The following FIBIN variants were observed in gnomAD, a reference collection of about 807,000 sequenced individuals.
FIBIN encodes fin bud initiation factor homolog.
A neutral mutation model predicts 13.0 loss-of-function variants in FIBIN; 8 were observed. The observed-to-expected ratio is 0.62, with a 90% confidence interval of 0.36 to 1.11. The LOEUF (loss-of-function observed/expected upper bound fraction) is 1.11, where lower values mean the gene tolerates loss of function less well. Ranked by LOEUF, FIBIN falls within the 50% of genes most tolerant of loss-of-function variation. FIBIN has a pLI of 0.02. For synonymous variants in FIBIN, 127 were observed against 114.7 expected (o/e 1.11, Z -0.69); for missense variants, 261 against 260.2 (o/e 1.00, Z -0.02).
chr11:26,995,140 A>G lies in FIBIN; in HGVS notation c.614A>G (p.Lys205Arg), dbSNP rs1850912228. The G allele has an allele frequency of 6.2e-7, 1 of 1,604,218 alleles. No individual in the cohort carries two copies. The highest frequency in any genetic ancestry group is 2.2e-5 in the East Asian group (1 of 44,816). ...RSHGTRLGRLKNDYLKV is the reference protein window; with the variant it reads ...RSHGTRLGRLRNDYLKV ...CATGGGACCCGACTAGGTCGGCTGA[A>G]AAATGATTATCTTAAAGTATAGGTG... The change falls in exon 1 of 1, where the codon AAA becomes AGA. Residue 205 changes from lysine to arginine, a missense_variant. Physicochemically the swap from Lys to Arg is conservative, Grantham distance 26. Coordinates refer to ENST00000318627, the MANE Select transcript of FIBIN (RefSeq NM_203371.2).
chr11:26,995,145 G>A lies in FIBIN; in HGVS notation c.619G>A (p.Asp207Asn). Reference protein sequence around the residue: ...HGTRLGRLKNDYLKV With the variant: ...HGTRLGRLKNNYLKV ...GACCCGACTAGGTCGGCTGAAAAAT[G>A]ATTATCTTAAAGTATAGGTGGAAGG... Residue 207 changes from aspartate to asparagine, a missense_variant, in exon 1 of 1, where the codon GAT becomes AAT. By Grantham distance (23) the Asp-to-Asn change is conservative. Coordinates refer to ENST00000318627, the MANE Select transcript of FIBIN (RefSeq NM_203371.2). 6.2e-7 allele frequency: 1 copy of A among 1,602,434 alleles called. No homozygotes were observed. Among genetic ancestry groups the A allele is most frequent in the Non-Finnish European group, 8.5e-7 (1 of 1,175,514 alleles).
chr11:26,995,108 T>C lies in FIBIN; in HGVS notation c.582T>C (p.Ile194=). ...RDKYELLALT[I]RSHGTRLGRL... is the part of the protein sequence containing the mutation. ...AATACGAGCTGCTGGCCCTCACCAT[T>C]AGGAGCCATGGGACCCGACTAGGTC... Residue 194 remains isoleucine, a synonymous_variant, in exon 1 of 1, where the codon ATT becomes ATC. Transcript: ENST00000318627. The C allele has an allele frequency of 6.2e-7, 1 of 1,613,394 alleles. No individual in the cohort carries two copies. The highest frequency in any genetic ancestry group is 8.5e-7 in the Non-Finnish European group (1 of 1,179,798).
chr11:26,995,559 T>C lies in FIBIN; in HGVS notation c.*397T>C, dbSNP rs1850918882. The C allele has an allele frequency of 5.7e-6, 1 of 174,292 alleles. No individual in the cohort carries two copies. The highest frequency in any genetic ancestry group is 2.4e-5 in the African/African-American group (1 of 41,704). The allele number at this position is 174,292 out of a possible 1,614,324, so 10.8% of individuals were successfully genotyped here. A position where few individuals can be genotyped will look rare whatever the true frequency, so the allele number is the denominator to read the frequency against. ...ATACCCAAAGATAATAGTGCATAGC[T>C]CCTTTCAGCCTCTAGCCTTCACTCC... On this transcript the variant is annotated 3_prime_UTR_variant, in exon 1 of 1. Transcript: ENST00000318627.
rs1472695326 is a variant in FIBIN, at chr11:26,994,706, C to A, written c.180C>A (p.Asp60Glu). The change falls in exon 1 of 1, where the codon GAC becomes GAA. Residue 60 changes from aspartate to glutamate, a missense_variant. Transcript: ENST00000318627. Reference sequence around the variant, plus strand: ...GCCAGCTGCTCTTCAGGGTGAGTGACCACAGGCGCTGCTCCCAGGGGGAGG... The same window carrying A: ...GCCAGCTGCTCTTCAGGGTGAGTGAACACAGGCGCTGCTCCCAGGGGGAGG... ...EKCQLLFRVS[D>E]HRRCSQGEGS... 6.2e-7 allele frequency: 1 copy of A among 1,613,298 alleles called. No homozygotes were observed. Among genetic ancestry groups the A allele is most frequent in the African/African-American group, 1.3e-5 (1 of 74,696 alleles).
At position 26,994,654 on chromosome 11, in the gene FIBIN, A is replaced by C. The variant is rs1850903533; in HGVS notation, c.128A>C (p.Tyr43Ser). The part of the protein sequence containing the change: ...LHHYFVPDGD[Y>S]EENDDPEKCQ... The stretch of plus-strand genomic sequence containing the variant: ...CACTACTTCGTGCCCGATGGGGACT[A>C]TGAGGAGAACGATGACCCCGAGAAG... The change falls in exon 1 of 1, where the codon TAT becomes TCT. Residue 43 changes from tyrosine (Y) to serine (S), a missense_variant. Physicochemically the swap from Tyr to Ser is moderately radical, Grantham distance 144. Coordinates refer to ENST00000318627, the MANE Select transcript of FIBIN (RefSeq NM_203371.2). 2 of 1,613,730 alleles carry C rather than the reference A, an allele frequency of 1.2e-6. No individual in the cohort carries two copies. Among genetic ancestry groups the C allele is most frequent in the Admixed American group, 1.7e-5 (1 of 60,002 alleles).
rs1375589116 is a variant in FIBIN, at chr11:26,994,420, G to T, written c.-107G>T. 1.7e-5 allele frequency: 19 copies of T among 1,121,622 alleles called. No homozygotes were observed. In the South Asian group the frequency reaches 2.9e-4, roughly 17 times the overall value. 69.5% of individuals were successfully genotyped at this position (1,121,622 alleles called of 1,614,324 possible). A position where few individuals can be genotyped will look rare whatever the true frequency, so the allele number is the denominator to read the frequency against. On this transcript the variant is annotated 5_prime_UTR_variant, in exon 1 of 1. An upstream open reading frame in the 5' UTR gains an earlier in-frame stop. Coordinates refer to ENST00000318627, the MANE Select transcript of FIBIN (RefSeq NM_203371.2). ...AGGGAGCAGCAAGCCAGCTGGGACT[G>T]AGGCGGACGCTGTCTCAGGGAGACG...
rs1018324383 is a variant in FIBIN, at chr11:26,996,430, C to G, written c.*1268C>G. Among the ~76,000 whole-genome samples the G allele has an allele frequency of 6.6e-6, 1 of 152,072 alleles. No homozygotes were observed. The highest frequency in any genetic ancestry group is 2.4e-5 in the African/African-American group (1 of 41,412). On this transcript the variant is annotated 3_prime_UTR_variant, in exon 1 of 1. Coordinates refer to ENST00000318627, the MANE Select transcript of FIBIN (RefSeq NM_203371.2). ...TTCTGACAAGGCTCATACCCTGTAC[C>G]CTTATGCAGAGCAAGCATTCCATCC...
In FIBIN at chr11:26,995,945, T is replaced by G. The variant is rs1850922424; in HGVS notation, c.*783T>G. 1 of 166,694 alleles carries G rather than the reference T, an allele frequency of 6.0e-6. No homozygotes were observed. The highest frequency in any genetic ancestry group is 2.4e-5 in the African/African-American group (1 of 41,468). The allele number at this position is 166,694 out of a possible 1,614,324, so 10.3% of individuals were successfully genotyped here. The stretch of plus-strand genomic sequence containing the variant: ...AAATTACAAAGAAATAGGTAGATTG[T>G]ATGAACATACCCACAAATGCCTATG... On this transcript the variant is annotated 3_prime_UTR_variant, in exon 1 of 1. Coordinates refer to ENST00000318627, the MANE Select transcript of FIBIN (RefSeq NM_203371.2).
Position 26,995,325 on chromosome 11 carries a change from G to A in FIBIN, c.*163G>A. On this transcript the variant is annotated 3_prime_UTR_variant, in exon 1 of 1. Coordinates refer to ENST00000318627, the MANE Select transcript of FIBIN (RefSeq NM_203371.2). ...GGTCATCTTTCAAAAGAGAAAAATTGGACACTTGAGTGACTTTGTTTTTAG... is the reference window on the plus strand; with the variant it reads ...GGTCATCTTTCAAAAGAGAAAAATTAGACACTTGAGTGACTTTGTTTTTAG... 1.7e-6 allele frequency: 1 copy of A among 600,840 alleles called. No individual in the cohort carries two copies. Among genetic ancestry groups the A allele is most frequent in the Non-Finnish European group, 2.7e-6 (1 of 370,286 alleles). The allele number at this position is 600,840 out of a possible 1,614,324, so 37.2% of individuals were successfully genotyped here.
rs977986327 is a variant in FIBIN at position 26,995,256 on chromosome 11, A to G, written c.*94A>G. ...ATGGGGCTACATTTCCCCCATACCT[A>G]CTATTTTTTTATATCCCGATTTGCA... is the stretch of plus-strand genomic sequence containing the variant. On this transcript the variant is annotated 3_prime_UTR_variant, in exon 1 of 1. Coordinates refer to ENST00000318627, the MANE Select transcript of FIBIN (RefSeq NM_203371.2). The G allele has an allele frequency of 3.1e-6, 4 of 1,279,118 alleles. No individual in the cohort carries two copies. The highest frequency in any genetic ancestry group is 1.5e-5 in the African/African-American group (1 of 66,446). The allele number at this position is 1,279,118 out of a possible 1,614,324, so 79.2% of individuals were successfully genotyped here.
Position 26,995,300 on chromosome 11 carries a change from G to A in FIBIN, c.*138G>A. ...ATTTGCACTTTGAGAATACATCTAA[G>A]GTCATCTTTCAAAAGAGAAAAATTG... On this transcript the variant is annotated 3_prime_UTR_variant, in exon 1 of 1. Transcript: ENST00000318627. The A allele has an allele frequency of 1.2e-6, 1 of 814,300 alleles. No individual in the cohort carries two copies. Among genetic ancestry groups the A allele is most frequent in the Admixed American group, 3.5e-5 (1 of 28,506 alleles). The allele number at this position is 814,300 out of a possible 1,614,324, so 50.4% of individuals were successfully genotyped here.
rs1424746105 is a variant in FIBIN at position 26,996,277 on chromosome 11, G to A, written c.*1115G>A. Among the ~76,000 whole-genome samples, 2 of 152,164 alleles carry A rather than the reference G, an allele frequency of 1.3e-5. No individual in the cohort carries two copies. The highest frequency in any genetic ancestry group is 6.5e-5 in the Admixed American group (1 of 15,282). ...TACATATTTGGCAATTCTCCTCTCT[G>A]TAGTCACCCTGACATCCTCACAAGA... On this transcript the variant is annotated 3_prime_UTR_variant, in exon 1 of 1. Coordinates refer to ENST00000318627, the MANE Select transcript of FIBIN (RefSeq NM_203371.2).
chr11:26,994,932 T>G lies in FIBIN; in HGVS notation c.406T>G (p.Ser136Ala). The G allele has an allele frequency of 1.2e-6, 2 of 1,610,870 alleles. No homozygotes were observed. The highest frequency in any genetic ancestry group is 1.7e-6 in the Non-Finnish European group (2 of 1,178,436). Reference sequence around the variant, plus strand: ...GGATGCCTACTCCAACTCGGACAAATCCCTCACTGAGCTGGAGAGCAAGTT... The same window carrying G: ...GGATGCCTACTCCAACTCGGACAAAGCCCTCACTGAGCTGGAGAGCAAGTT... ...IGDAYSNSDK[S>A]LTELESKFKQ... is the part of the protein sequence containing the mutation. The change falls in exon 1 of 1, where the codon TCC (serine) becomes GCC (alanine). Residue 136 changes from serine (S) to alanine (A), a missense_variant. Ser to Ala is a moderately conservative substitution (Grantham distance 99). Coordinates refer to ENST00000318627, the MANE Select transcript of FIBIN (RefSeq NM_203371.2).
Position 26,994,984 on chromosome 11 carries a change from G to T in FIBIN, c.458G>T (p.Arg153Leu). Residue 153 changes from arginine (R) to leucine (L), a missense_variant, in exon 1 of 1, where the codon CGG becomes CTG. Physicochemically the swap from Arg to Leu is moderately radical, Grantham distance 102. Coordinates refer to ENST00000318627, the MANE Select transcript of FIBIN (RefSeq NM_203371.2). The stretch of plus-strand genomic sequence containing the variant: ...AAGCAGGGCCAGGAACAGGACAGCC[G>T]GCAGGAGAGCAGGCTCAACGAGGAC... Reference protein sequence around the residue: ...KFKQGQEQDSRQESRLNEDFL... With the variant: ...KFKQGQEQDSLQESRLNEDFL... 3.7e-6 allele frequency: 6 copies of T among 1,614,022 alleles called. No homozygotes were observed. The highest frequency in any genetic ancestry group is 5.1e-6 in the Non-Finnish European group (6 of 1,180,010).
chr11:26,994,550 C>CA lies in FIBIN; in HGVS notation c.25dup (p.Met9AsnfsTer36). The CA allele has an allele frequency of 6.2e-7, 1 of 1,608,742 alleles. No homozygotes were observed. The highest frequency in any genetic ancestry group is 2.2e-5 in the East Asian group (1 of 44,764). On this transcript the variant is annotated frameshift_variant, in exon 1 of 1. Transcript: ENST00000318627. LOFTEE classifies it high-confidence loss of function. Reference sequence around the variant, plus strand: ...GAATGGTGTTTCTGAAGTTCTTCTGCATGAGTTTCTTCTGCCACCTGTGTC... The same window carrying CA: ...GAATGGTGTTTCTGAAGTTCTTCTGCAATGAGTTTCTTCTGCCACCTGTGTC...
At position 26,996,748 on chromosome 11, in the gene FIBIN, A is replaced by G. The variant is rs990432345; in HGVS notation, c.*1586A>G. Among the ~76,000 whole-genome samples the G allele has an allele frequency of 8.5e-5, 13 of 152,184 alleles. No individual in the cohort carries two copies. Among genetic ancestry groups the G allele is most frequent in the African/African-American group, 2.9e-4 (12 of 41,466 alleles). On this transcript the variant is annotated 3_prime_UTR_variant, in exon 1 of 1. Coordinates refer to ENST00000318627, the MANE Select transcript of FIBIN (RefSeq NM_203371.2). Reference sequence around the variant, plus strand: ...CTGTCTAATATCTTTCTATTACAGAAGGGGAAACTGAGGCTGGGAAAGGCT... The same window carrying G: ...CTGTCTAATATCTTTCTATTACAGAGGGGGAAACTGAGGCTGGGAAAGGCT...
At position 26,994,573 on chromosome 11, in the gene FIBIN, G is replaced by A. The variant is rs753119016; in HGVS notation, c.47G>A (p.Cys16Tyr). Residue 16 changes from cysteine (C) to tyrosine (Y), a missense_variant, in exon 1 of 1, where the codon TGT becomes TAT. By Grantham distance (194) the Cys-to-Tyr change is radical. Coordinates refer to ENST00000318627, the MANE Select transcript of FIBIN (RefSeq NM_203371.2). ...TGCATGAGTTTCTTCTGCCACCTGT[G>A]TCAAGGCTACTTCGATGGCCCCCTC... ...FFCMSFFCHL[C>Y]QGYFDGPLYP... is the part of the protein sequence containing the mutation. 6.2e-7 allele frequency: 1 copy of A among 1,613,022 alleles called. No homozygotes were observed. The highest frequency in any genetic ancestry group is 1.1e-5 in the South Asian group (1 of 91,054).
rs1850914329 is a variant in FIBIN at position 26,995,301 on chromosome 11, G to T, written c.*139G>T. The T allele has an allele frequency of 2.5e-6, 2 of 807,916 alleles. No individual in the cohort carries two copies. Among genetic ancestry groups the T allele is most frequent in the Non-Finnish European group, 3.7e-6 (2 of 547,914 alleles). 50.0% of individuals were successfully genotyped at this position (807,916 alleles called of 1,614,324 possible). A position where few individuals can be genotyped will look rare whatever the true frequency, so the allele number is the denominator to read the frequency against. ...TTTGCACTTTGAGAATACATCTAAG[G>T]TCATCTTTCAAAAGAGAAAAATTGG... On this transcript the variant is annotated 3_prime_UTR_variant, in exon 1 of 1. Transcript: ENST00000318627.
Position 26,994,628 on chromosome 11 carries a change from C to A in FIBIN, c.102C>A (p.His34Gln). 6.2e-7 allele frequency: 1 copy of A among 1,614,114 alleles called. No homozygotes were observed. The change falls in exon 1 of 1, where the codon CAC becomes CAA. Residue 34 changes from histidine to glutamine, a missense_variant. His to Gln is a conservative substitution (Grantham distance 24). Transcript: ENST00000318627. ...LYPEMSNGTLHHYFVPDGDYE... is the reference protein window; with the variant it reads ...LYPEMSNGTLQHYFVPDGDYE... Reference sequence around the variant, plus strand: ...CAGAGATGTCCAATGGGACTCTGCACCACTACTTCGTGCCCGATGGGGACT... The same window carrying A: ...CAGAGATGTCCAATGGGACTCTGCAACACTACTTCGTGCCCGATGGGGACT...
Sources: allele counts gnomAD v4.1 joint callset (sites outside exome capture counted in the v4.1 genomes callset), GRCh38; gene constraint gnomAD v4.1.1; transcripts MANE v1.5; gene names NCBI Gene and HGNC (gene_info 2026-07-23, HGNC 2026-07-21).